The following ADAMTSL1 variants were observed in gnomAD, a reference collection of about 807,000 sequenced individuals.
ADAMTSL1 encodes the protein ADAMTS like 1, also known as ADAMTS-like protein 1.
Under a neutral mutation model 201.8 loss-of-function variants are expected in ADAMTSL1, and 126 were observed. The ratio of observed to expected loss-of-function variants is 0.62; its 90% CI spans 0.54 to 0.72. ADAMTSL1 has a LOEUF of 0.72. ADAMTSL1 is among the 30% of genes least tolerant of loss of function. The pLI is 0.00. For synonymous variants in ADAMTSL1, 1,121 were observed against 903.4 expected, an observed-to-expected ratio of 1.24 and a Z score of -4.32; for missense variants, 2,679 against 2,277.8, an observed-to-expected ratio of 1.18 and a Z score of -3.59.
chr9:18,248,805 C>G (rs1288180027), intron 2 of ADAMTSL1, among the ~76,000 whole-genome samples: 2 of 152,166 alleles, frequency 1.3e-5, no homozygotes, highest in Admixed American at 6.5e-5. Flanking sequence ...CAATCTCTCT[C>G]TCTCACTGAA....
intron 2 of ADAMTSL1, among the ~76,000 whole-genome samples, chr9:18,168,292 G>C (rs1325314447): frequency 1.3e-5 from 2 of 151,764 alleles, no homozygotes; most frequent in Admixed American, 6.6e-5. Flanking sequence ...AACCCCACAA[G>C]GGTCCCTGGT....
At chr9:18,427,968 A>G (rs1017273272) in intron 2 of ADAMTSL1, among the ~76,000 whole-genome samples, 4 of 152,164 alleles carry the variant, frequency 2.6e-5, no homozygotes, top group African/African-American at 7.2e-5. Context: ...TTGAAGTCTG[A>G]TGTCTGCAAA....
chr9:18,770,370 T>C (rs924806709), intron 16 of ADAMTSL1, among the ~76,000 whole-genome samples: 3 of 152,194 alleles, frequency 2.0e-5, no homozygotes, highest in African/African-American at 7.2e-5. Context: ...GCCCCAGAAA[T>C]TCCTGGATGC....
Position 18,386,674 on chromosome 9 carries a change from C to T in ADAMTSL1, c.208-118155C>T, listed in dbSNP as rs1021297840. Among the ~76,000 whole-genome samples, 24 of 152,222 alleles carry T rather than the reference C, an allele frequency of 1.6e-4. 1 individual carries two copies. The highest frequency in any genetic ancestry group is 7.8e-4 in the Admixed American group (12 of 15,294). ...ACCTAATAATCTGATCCAGCTTCTT[C>T]ACTTTGTGACATTTTAATTTGATTT... On this transcript the variant is annotated intron_variant, in intron 2 of 29. Coordinates refer to the ADAMTSL1 transcript ENST00000680146.
chr9:18,691,749 A>G (rs1389043113), intron 13 of ADAMTSL1, among the ~76,000 whole-genome samples: 3 of 152,308 alleles, frequency 2.0e-5, no homozygotes, highest in East Asian at 3.9e-4. Context: ...ACCTTGGGAA[A>G]GTCATTTAAC....
At chr9:18,604,098 A>G (rs1824851072) in intron 4 of ADAMTSL1, among the ~76,000 whole-genome samples, 1 of 152,202 alleles carries the variant, frequency 6.6e-6, no homozygotes, top group African/African-American at 2.4e-5. Context: ...ATATTCTGAA[A>G]CTGACACCCA....
At chr9:18,613,165 G>A (rs1210214387) in intron 4 of ADAMTSL1, among the ~76,000 whole-genome samples, 1 of 152,054 alleles carries the variant, frequency 6.6e-6, no homozygotes. Flanking sequence ...CAATGAGATA[G>A]CATTTCACAC....
At chr9:17,948,059 T>A (rs1398959861) in intron 1 of ADAMTSL1, among the ~76,000 whole-genome samples, 2 of 152,174 alleles carry the variant, frequency 1.3e-5, no homozygotes, top group African/African-American at 2.4e-5. Flanking sequence ...CTGTTTATGT[T>A]ACATGCTCAT....
At chr9:18,369,799 A>G (rs1032785784) in intron 2 of ADAMTSL1, among the ~76,000 whole-genome samples, 4 of 152,226 alleles carry the variant, frequency 2.6e-5, no homozygotes, top group African/African-American at 9.6e-5. Flanking sequence ...TCTATACACC[A>G]TGGATACTAT....
chr9:17,989,315 T>G (rs1447820020), intron 1 of ADAMTSL1, among the ~76,000 whole-genome samples: 1 of 151,918 alleles, frequency 6.6e-6, no homozygotes, highest in Non-Finnish European at 1.5e-5. Context: ...GTAACTTTAT[T>G]TATTTAATAT....
chr9:18,268,555 C>G (rs541559717), intron 2 of ADAMTSL1, among the ~76,000 whole-genome samples: 3 of 152,264 alleles, frequency 2.0e-5, no homozygotes, highest in South Asian at 2.1e-4. Context: ...TCTGGGCTGA[C>G]AATGCCTCCA....
At chr9:18,208,426 G>A (rs1221385491) in intron 2 of ADAMTSL1, among the ~76,000 whole-genome samples, 1 of 152,162 alleles carries the variant, frequency 6.6e-6, no homozygotes, top group East Asian at 1.9e-4. Context: ...AGTTGCACCT[G>A]CAGCCCATGG....
intron 1 of ADAMTSL1, among the ~76,000 whole-genome samples, chr9:18,059,314 C>T (rs1209231833): frequency 6.6e-6 from 1 of 152,080 alleles, no homozygotes; most frequent in East Asian, 1.9e-4. Flanking sequence ...CTTGATAGTG[C>T]TTGGTGTTTG....
intron 1 of ADAMTSL1, among the ~76,000 whole-genome samples, chr9:18,008,226 C>T (rs1819910805): frequency 6.6e-6 from 1 of 151,920 alleles, no homozygotes; most frequent in Non-Finnish European, 1.5e-5. Context: ...TTTAACCAGT[C>T]TGTGAAATGG....
chr9:18,336,253 G>A (rs116871997), intron 2 of ADAMTSL1, among the ~76,000 whole-genome samples: 1,785 of 151,692 alleles, frequency 0.012, 20 homozygotes, highest in Non-Finnish European at 0.019. Flanking sequence ...TAAGTAGCTT[G>A]TAAAGATTGC....
rs111245631 is a variant in ADAMTSL1 at position 18,741,794 on chromosome 9, A to G, written c.2007-11504A>G. ...CCCTCTAATCCTCCTTTGCATGGCT[A>G]TCTTCCCTTCTGTGAATCTATGAAT... is the stretch of plus-strand genomic sequence containing the variant. On this transcript the variant is annotated intron_variant, in intron 15 of 28. Coordinates refer to ENST00000380548, the MANE Select transcript of ADAMTSL1 (RefSeq NM_001040272.6). 4.6e-5 allele frequency among the ~76,000 whole-genome samples: 7 copies of G among 152,222 alleles called. 1 individual carries two copies. Among genetic ancestry groups the G allele is most frequent in the African/African-American group, 1.7e-4 (7 of 41,548 alleles).
intron 2 of ADAMTSL1, among the ~76,000 whole-genome samples, chr9:18,189,581 T>G (rs141725619): frequency 4.6e-5 from 7 of 152,262 alleles, no homozygotes; most frequent in African/African-American, 1.7e-4. Flanking sequence ...TAAATAAAAC[T>G]TAAAAGTTAC....
chr9:18,028,290 G>A (rs1364782964), intron 1 of ADAMTSL1, among the ~76,000 whole-genome samples: 2 of 152,072 alleles, frequency 1.3e-5, no homozygotes, highest in Non-Finnish European at 2.9e-5. Flanking sequence ...AGCAGGTATT[G>A]TTCCTTTGTT....
At chr9:18,817,645 G>A (rs989889079) in intron 21 of ADAMTSL1, among the ~76,000 whole-genome samples, 1 of 152,156 alleles carries the variant, frequency 6.6e-6, no homozygotes, top group Non-Finnish European at 1.5e-5. Flanking sequence ...AATGCAGGTG[G>A]GAAGTGACAT....
Sources: allele counts gnomAD v4.1 joint callset (sites outside exome capture counted in the v4.1 genomes callset), GRCh38; gene constraint gnomAD v4.1.1; transcripts MANE v1.5; gene names NCBI Gene and HGNC (gene_info 2026-07-23, HGNC 2026-07-21).